The following CRISPLD1 variants were observed in gnomAD, a reference collection of about 807,000 sequenced individuals.
CRISPLD1 encodes the protein cysteine rich secretory protein LCCL domain containing 1, also known as cysteine-rich secretory protein LCCL domain-containing 1.
CRISPLD1 carries 60 observed loss-of-function variants against 77.5 expected under a neutral mutation model. That is an observed-to-expected ratio of 0.77 (90% confidence interval 0.63 to 0.96). CRISPLD1 has a LOEUF of 0.96. CRISPLD1 is among the 40% of genes least tolerant of loss of function. The probability of loss-of-function intolerance (pLI) is 0.00; values close to 1 mark genes in which losing one functional copy is unlikely to be tolerated. For missense variants in CRISPLD1, 623 were observed against 615.8 expected, an observed-to-expected ratio of 1.01 and a Z score of -0.12; for synonymous variants, 195 against 200.1, an observed-to-expected ratio of 0.97 and a Z score of 0.22.
chr8:75,022,764 A>G (rs536717159), intron 12 of CRISPLD1, among the ~76,000 whole-genome samples: 1 of 152,188 alleles, frequency 6.6e-6, no homozygotes, highest in South Asian at 2.1e-4. Flanking sequence ...AAAAATGACA[A>G]TAAATAAATT....
intron 12 of CRISPLD1, among the ~76,000 whole-genome samples, chr8:75,022,131 T>C (rs1314882115): frequency 1.3e-5 from 2 of 152,224 alleles, no homozygotes; most frequent in African/African-American, 2.4e-5. Flanking sequence ...GAAAATGATA[T>C]AAATTTTTAA....
At position 74,986,080 on chromosome 8, in the gene CRISPLD1, A is replaced by C. The variant is rs141929155; in HGVS notation, c.93A>C (p.Leu31Phe). ...IPAMVVPNAT[L>F]LEKLLEKYMD... Reference sequence around the variant, plus strand: ...CCATGGTGGTTCCCAATGCCACTTTATTGGAGAAACTTTTGGAAAAATACA... The same window carrying C: ...CCATGGTGGTTCCCAATGCCACTTTCTTGGAGAAACTTTTGGAAAAATACA... Residue 31 changes from leucine (L) to phenylalanine (F), a missense_variant, in exon 2 of 15, where the codon TTA (leucine) becomes TTC (phenylalanine). Physicochemically the swap from Leu to Phe is conservative, Grantham distance 22. Coordinates refer to ENST00000262207, the MANE Select transcript of CRISPLD1 (RefSeq NM_031461.6). 15 of 1,614,006 alleles carry C rather than the reference A, an allele frequency of 9.3e-6. No homozygotes were observed. In the African/African-American group the frequency reaches 2.0e-4, roughly 22 times the overall value.
intron 2 of CRISPLD1, among the ~76,000 whole-genome samples, chr8:74,995,460 T>C (rs888904778): frequency 2.6e-5 from 4 of 152,198 alleles, no homozygotes; most frequent in African/African-American, 9.7e-5. Flanking sequence ...ATGCAACATC[T>C]CCTGTGGGTC....
At chr8:75,014,354 A>G (rs993668511) in intron 5 of CRISPLD1, among the ~76,000 whole-genome samples, 7 of 152,216 alleles carry the variant, frequency 4.6e-5, no homozygotes, top group Admixed American at 3.9e-4. Flanking sequence ...TTTACTCACT[A>G]TACTATCCAT....
Position 75,014,824 on chromosome 8 carries a change from G to A in CRISPLD1, c.639G>A (p.Trp213Ter). The stretch of plus-strand genomic sequence containing the variant: ...TCATCTCTTAAAGGGGAAACTGGTG[G>A]GGCCATGCCCCTTACAAACATGGGC... ...VCNYSPKGNW[W>*]GHAPYKHGRP... Residue 213 changes from tryptophan to a stop codon, truncating the protein, a stop_gained, in exon 6 of 15, where the codon TGG (tryptophan) becomes TGA (stop). Coordinates refer to ENST00000262207, the MANE Select transcript of CRISPLD1 (RefSeq NM_031461.6). LOFTEE classifies it high-confidence loss of function. 1 of 1,599,120 alleles carries A rather than the reference G, an allele frequency of 6.3e-7. No individual in the cohort carries two copies. Among genetic ancestry groups the A allele is most frequent in the South Asian group, 1.1e-5 (1 of 89,416 alleles).
intron 2 of CRISPLD1, among the ~76,000 whole-genome samples, chr8:75,005,546 T>C (rs1812814444): frequency 6.6e-6 from 1 of 152,110 alleles, no homozygotes; most frequent in Non-Finnish European, 1.5e-5. Context: ...TTGACTTATA[T>C]AGGTCCAGAA....
Position 75,012,890 on chromosome 8 carries a change from A to C in CRISPLD1, c.378A>C (p.Arg126Ser). 1 of 1,609,204 alleles carries C rather than the reference A, an allele frequency of 6.2e-7. No individual in the cohort carries two copies. The highest frequency in any genetic ancestry group is 8.5e-7 in the Non-Finnish European group (1 of 1,177,512). The stretch of plus-strand genomic sequence containing the variant: ...TCTGTGACTATTTTCTTTCTAATAG[A>C]TATAGGCCCCCGACGTTTCATGTAC... ...IGQNLGAHWGRYRPPTFHVQS... is the reference protein window; with the variant it reads ...IGQNLGAHWGSYRPPTFHVQS... Residue 126 changes from arginine to serine, a missense_variant and splice_region_variant, in exon 4 of 15, where the codon AGA (arginine) becomes AGC (serine). Coordinates refer to ENST00000262207, the MANE Select transcript of CRISPLD1 (RefSeq NM_031461.6).
chr8:75,028,942 A>G (rs1813282650), intron 13 of CRISPLD1, among the ~76,000 whole-genome samples: 1 of 152,192 alleles, frequency 6.6e-6, no homozygotes, highest in African/African-American at 2.4e-5. Context: ...TGGAGTTTGT[A>G]TTAGGCAAAA....
intron 14 of CRISPLD1, 49 bp from the exon 15 acceptor site, chr8:75,032,142 G>A (rs1234202512): frequency 3.1e-6 from 4 of 1,274,994 alleles, no homozygotes; most frequent in African/African-American, 1.5e-5. Flanking sequence ...GAAGGATTAT[G>A]TATAGAGATG....
chr8:75,020,118 T>A, intron 12 of CRISPLD1, 39 bp downstream of exon 12: 1 of 1,539,768 alleles, frequency 6.5e-7, no homozygotes, highest in South Asian at 1.1e-5. Flanking sequence ...GGCCCTGTGA[T>A]AACTGTTTTT....
intron 2 of CRISPLD1, among the ~76,000 whole-genome samples, chr8:74,993,041 T>C (rs1812597239): frequency 6.6e-6 from 1 of 151,968 alleles, no homozygotes; most frequent in African/African-American, 2.4e-5. Flanking sequence ...AGCTTGTGAA[T>C]TGCTTCATTT....
At chr8:75,016,344 A>G (rs1587020853) in intron 6 of CRISPLD1, among the ~76,000 whole-genome samples, 1 of 152,186 alleles carries the variant, frequency 6.6e-6, no homozygotes, top group Non-Finnish European at 1.5e-5. Flanking sequence ...TATTAGTCGA[A>G]CATTAACATA....
intron 2 of CRISPLD1, among the ~76,000 whole-genome samples, chr8:75,004,396 T>C (rs1370796190): frequency 6.6e-6 from 1 of 152,142 alleles, no homozygotes; most frequent in African/African-American, 2.4e-5. Flanking sequence ...TCTCACACTC[T>C]TTCAGCACAG....
intron 2 of CRISPLD1, among the ~76,000 whole-genome samples, chr8:74,998,088 A>C (rs1812672636): frequency 6.6e-6 from 1 of 152,204 alleles, no homozygotes; most frequent in African/African-American, 2.4e-5. Flanking sequence ...CACTTGGCAT[A>C]GGAGAAGAAA....
At chr8:75,002,994 T>C (rs1348545396) in intron 2 of CRISPLD1, among the ~76,000 whole-genome samples, 1 of 152,214 alleles carries the variant, frequency 6.6e-6, no homozygotes, top group Non-Finnish European at 1.5e-5. Flanking sequence ...GAGGAATGTC[T>C]AAAAATCTGA....
chr8:75,031,871 C>G (rs1813354351), intron 14 of CRISPLD1, among the ~76,000 whole-genome samples: 1 of 151,852 alleles, frequency 6.6e-6, no homozygotes, highest in African/African-American at 2.4e-5. Context: ...CTGCTGAACT[C>G]TGCTGTATTA....
intron 2 of CRISPLD1, among the ~76,000 whole-genome samples, chr8:75,004,983 A>G (rs977545848): frequency 4.6e-5 from 7 of 152,252 alleles, no homozygotes; most frequent in East Asian, 1.9e-4. Context: ...TGAAGGTTCT[A>G]TGTTGTATTT....
chr8:75,009,800 T>G (rs1812897761), intron 2 of CRISPLD1, among the ~76,000 whole-genome samples: 1 of 152,154 alleles, frequency 6.6e-6, no homozygotes, highest in African/African-American at 2.4e-5. Flanking sequence ...GCCCATTTTC[T>G]GGGACTTCAA....
chr8:74,990,088 C>T lies in CRISPLD1; in HGVS notation c.258+3843C>T, dbSNP rs186205662. On this transcript the variant is annotated intron_variant, in intron 2 of 14. Coordinates refer to ENST00000262207, the MANE Select transcript of CRISPLD1 (RefSeq NM_031461.6). ...ACATAGGAAGTGGACTGATAAACAC[C>T]GGAGACTTGGAAAGGTGGGAAGGGT... Among the ~76,000 whole-genome samples the T allele has an allele frequency of 2.4e-4, 37 of 151,948 alleles. No homozygotes were observed. The East Asian group carries it at 3.1e-3, about 13-fold the overall frequency.
Sources: allele counts gnomAD v4.1 joint callset (sites outside exome capture counted in the v4.1 genomes callset), GRCh38; gene constraint gnomAD v4.1.1; transcripts MANE v1.5; gene names NCBI Gene and HGNC (gene_info 2026-07-23, HGNC 2026-07-21).